Variants in FERMT2 observed in about 807,000 individuals in gnomAD.
FERMT2 encodes FERM domain containing kindlin 2.
Under a neutral mutation model 82.7 loss-of-function variants are expected in FERMT2, and 15 were observed. The observed-to-expected ratio is 0.18, with a 90% CI of 0.12 to 0.28. The LOEUF (loss-of-function observed/expected upper bound fraction) is 0.28, where lower values mean the gene tolerates loss of function less well. FERMT2 is among the 10% of genes least tolerant of loss of function. The pLI, the probability that FERMT2 is intolerant of heterozygous loss-of-function variation, is 1.00. For missense variants in FERMT2, 645 were observed against 809.4 expected, an observed-to-expected ratio of 0.80 and a Z score of 2.46; for synonymous variants, 274 against 271.5, an observed-to-expected ratio of 1.01 and a Z score of -0.09.
chr14:52,887,659 C>G (rs1028699897), intron 4 of FERMT2, among the ~76,000 whole-genome samples: 2 of 151,658 alleles, frequency 1.3e-5, no homozygotes, highest in African/African-American at 4.8e-5. Flanking sequence ...GAGACCCTGT[C>G]TCTTAAAAAA....
intron 8 of FERMT2, 28 bp downstream of exon 8, chr14:52,875,195 A>G (rs745473231): frequency 6.3e-7 from 1 of 1,584,966 alleles, no homozygotes; most frequent in Non-Finnish European, 8.6e-7. Flanking sequence ...AAGCTAAATT[A>G]GTAGGTAAAA....
chr14:52,887,339 C>T (rs1886672269), intron 4 of FERMT2, among the ~76,000 whole-genome samples: 2 of 151,914 alleles, frequency 1.3e-5, no homozygotes, highest in African/African-American at 4.8e-5. Context: ...ATGGCAAAAC[C>T]TCATCTCTAC....
chr14:52,945,048 G>A (rs560256847), intron 2 of FERMT2, among the ~76,000 whole-genome samples: 31 of 151,870 alleles, frequency 2.0e-4, no homozygotes, highest in Non-Finnish European at 3.4e-4. Context: ...CTACAGGTGC[G>A]TGCCATCACG....
intron 2 of FERMT2, among the ~76,000 whole-genome samples, chr14:52,922,437 G>A (rs1889012277): frequency 6.6e-6 from 1 of 151,826 alleles, no homozygotes; most frequent in South Asian, 2.1e-4. Flanking sequence ...AAAGAGGGGG[G>A]CCTCCATAGC....
intron 2 of FERMT2, chr14:52,928,185 C>T (rs942097609): frequency 3.4e-5 from 8 of 234,378 alleles, no homozygotes; most frequent in South Asian, 1.6e-4. Context: ...TATTCTCACA[C>T]GTCCATAAAC....
chr14:52,907,676 CT>C (rs1888094316), intron 3 of FERMT2, among the ~76,000 whole-genome samples: 1 of 152,032 alleles, frequency 6.6e-6, no homozygotes, highest in Non-Finnish European at 1.5e-5. Flanking sequence ...AAGTCATATA[CT>C]GTAAACCCTA....
intron 3 of FERMT2, among the ~76,000 whole-genome samples, chr14:52,896,247 T>C (rs1236707763): frequency 6.6e-6 from 1 of 152,176 alleles, no homozygotes; most frequent in Non-Finnish European, 1.5e-5. Context: ...CTATACTATA[T>C]GTCAGAGTAT....
At position 52,878,621 on chromosome 14, in the gene FERMT2, T is replaced by C; in HGVS notation, c.924A>G (p.Glu308=). Reference sequence around the variant, plus strand: ...ACATCATCATTTCTTCTTCTGTGCATTCAATCTCTTCCAGGAGAATGGCCC... The same window carrying C: ...ACATCATCATTTCTTCTTCTGTGCACTCAATCTCTTCCAGGAGAATGGCCC... The part of the protein sequence containing the change: ...AKWAILLEEI[E]CTEEEMMMFA... The change falls in exon 7 of 15, where the codon GAA becomes GAG. Residue 308 remains glutamate, a synonymous_variant. Coordinates refer to ENST00000341590, the MANE Select transcript of FERMT2 (RefSeq NM_006832.3). 1 of 1,611,292 alleles carries C rather than the reference T, an allele frequency of 6.2e-7. No homozygotes were observed. The highest frequency in any genetic ancestry group is 8.5e-7 in the Non-Finnish European group (1 of 1,178,684).
intron 2 of FERMT2, among the ~76,000 whole-genome samples, chr14:52,937,950 A>G (rs1047174723): frequency 3.3e-5 from 5 of 152,208 alleles, no homozygotes; most frequent in Non-Finnish European, 5.9e-5. Flanking sequence ...ACTACTTACT[A>G]TGTGCCAAGA....
intron 10 of FERMT2, among the ~76,000 whole-genome samples, chr14:52,868,781 T>C (rs1033198654): frequency 6.6e-6 from 1 of 152,058 alleles, no homozygotes; most frequent in African/African-American, 2.4e-5. Context: ...CCCCAAGAGT[T>C]GGAGATAAGC....
chr14:52,942,851 T>C (rs1890156880), intron 2 of FERMT2, among the ~76,000 whole-genome samples: 1 of 152,184 alleles, frequency 6.6e-6, no homozygotes, highest in Non-Finnish European at 1.5e-5. Context: ...TATTAACAGC[T>C]TATTTAATAG....
intron 2 of FERMT2, among the ~76,000 whole-genome samples, chr14:52,922,517 G>A (rs1033096820): frequency 6.6e-6 from 1 of 152,136 alleles, no homozygotes; most frequent in South Asian, 2.1e-4. Context: ...TGTAGAAGCA[G>A]GGCGCTGCAA....
chr14:52,871,172 C>A (rs1419021042), intron 10 of FERMT2, among the ~76,000 whole-genome samples: 1 of 152,198 alleles, frequency 6.6e-6, no homozygotes. Flanking sequence ...TGTCTCTAAC[C>A]CCTTAGCTCT....
At chr14:52,889,700 C>T (rs909151519) in intron 4 of FERMT2, among the ~76,000 whole-genome samples, 2 of 152,034 alleles carry the variant, frequency 1.3e-5, no homozygotes, top group African/African-American at 4.8e-5. Flanking sequence ...CTAGGCTATA[C>T]GGATGGTATA....
At position 52,866,842 on chromosome 14, in the gene FERMT2, C is replaced by T. The variant is rs554970364; in HGVS notation, c.1274-1989G>A. Among the ~76,000 whole-genome samples, 97 of 152,246 alleles carry T rather than the reference C, an allele frequency of 6.4e-4. 4 individuals carry two copies. The highest frequency in any genetic ancestry group is 7.7e-4 in the East Asian group (4 of 5,180). ...ATAAACTTAGCTGTCCTTGCTTCCA[C>T]GCAGTGCAAGAGGCATCCCTCATCC... On this transcript the variant is annotated intron_variant, in intron 10 of 14. Coordinates refer to ENST00000341590, the MANE Select transcript of FERMT2 (RefSeq NM_006832.3).
chr14:52,858,336 T>C lies in FERMT2; in HGVS notation c.*41A>G. 1 of 1,541,268 alleles carries C rather than the reference T, an allele frequency of 6.5e-7. No homozygotes were observed. The highest frequency in any genetic ancestry group is 9.0e-7 in the Non-Finnish European group (1 of 1,117,084). ...ATAACAAACAGCTTTTAAAGTTAAATATTGTTATGGCCGTGGAGTTTCATT... is the reference window on the plus strand; with the variant it reads ...ATAACAAACAGCTTTTAAAGTTAAACATTGTTATGGCCGTGGAGTTTCATT... On this transcript the variant is annotated 3_prime_UTR_variant, in exon 15 of 15. Coordinates refer to ENST00000341590, the MANE Select transcript of FERMT2 (RefSeq NM_006832.3).
chr14:52,924,290 G>C (rs1231616844), intron 2 of FERMT2, among the ~76,000 whole-genome samples: 2 of 152,174 alleles, frequency 1.3e-5, no homozygotes, highest in Admixed American at 6.5e-5. Context: ...GTGTTACTAT[G>C]TATGAGATAA....
intron 4 of FERMT2, among the ~76,000 whole-genome samples, chr14:52,888,862 AT>A (rs993740494): frequency 2.3e-4 from 35 of 151,944 alleles, no homozygotes; most frequent in African/African-American, 7.2e-4. Flanking sequence ...ATTTTAATTA[AT>A]TTTTTTTTTC....
At chr14:52,912,132 C>T (rs768002563) in intron 3 of FERMT2, among the ~76,000 whole-genome samples, 18 of 152,110 alleles carry the variant, frequency 1.2e-4, no homozygotes, top group Non-Finnish European at 2.5e-4. Flanking sequence ...CTTGGACTCT[C>T]ACCAAATACT....
Sources: gnomAD v4.1 joint callset for allele counts (sites outside exome capture counted in the v4.1 genomes callset) on GRCh38, gnomAD v4.1.1 for gene constraint, MANE v1.5 for transcripts, NCBI Gene and HGNC (gene_info 2026-07-23, HGNC 2026-07-21) for gene names.